DLGAP2: variants seen among roughly 807,000 people sequenced by gnomAD.
DLGAP2 encodes disks large-associated protein 2.
Under a neutral mutation model 100.3 loss-of-function variants are expected in DLGAP2, and 26 were observed. The observed-to-expected ratio is 0.26, with a 90% CI of 0.19 to 0.36. DLGAP2 has a LOEUF of 0.36. DLGAP2 is among the 10% of genes least tolerant of loss of function. The pLI is 1.00. For missense variants in DLGAP2, 1,858 were observed against 1,453.2 expected (o/e 1.28, Z -4.53); for synonymous variants, 886 against 630.1 (o/e 1.41, Z -6.08).
At chr8:1,048,252 C>T (rs1240862574) in intron 2 of DLGAP2, among the ~76,000 whole-genome samples, 1 of 152,150 alleles carries the variant, frequency 6.6e-6, no homozygotes, top group African/African-American at 2.4e-5. Flanking sequence ...ATTCCAGCCT[C>T]AGTCCTGTGA....
intron 2 of DLGAP2, among the ~76,000 whole-genome samples, chr8:1,246,392 C>T (rs569773783): frequency 2.0e-5 from 3 of 152,298 alleles, no homozygotes; most frequent in Admixed American, 6.5e-5. Flanking sequence ...GCTTGGCATC[C>T]TTCCCTCAAC....
chr8:1,698,263 G>A (rs1799454717), intron 14 of DLGAP2, among the ~76,000 whole-genome samples: 1 of 152,028 alleles, frequency 6.6e-6, no homozygotes, highest in Non-Finnish European at 1.5e-5. Flanking sequence ...GCGTGGGACA[G>A]GTCCACATAA....
intron 3 of DLGAP2, among the ~76,000 whole-genome samples, chr8:1,336,642 A>G (rs373872103): frequency 4.6e-5 from 7 of 152,290 alleles, no homozygotes; most frequent in South Asian, 2.1e-4. Flanking sequence ...CCTCCGATGC[A>G]TCTGGAACAG....
intron 2 of DLGAP2, among the ~76,000 whole-genome samples, chr8:957,935 A>T (rs923257296): frequency 9.2e-5 from 14 of 152,214 alleles, no homozygotes; most frequent in Non-Finnish European, 1.9e-4. Flanking sequence ...TGTCCAATTC[A>T]GTGACATACA....
At chr8:1,454,375 C>G (rs1326778522) in intron 3 of DLGAP2, among the ~76,000 whole-genome samples, 1 of 150,296 alleles carries the variant, frequency 6.7e-6, no homozygotes, top group Non-Finnish European at 1.5e-5. Flanking sequence ...TTTATCTTTT[C>G]TCTACACTGA....
At chr8:1,686,280 T>G (rs1341062183) in intron 12 of DLGAP2, among the ~76,000 whole-genome samples, 1 of 152,204 alleles carries the variant, frequency 6.6e-6, no homozygotes, top group Non-Finnish European at 1.5e-5. Flanking sequence ...GAATTAAGTC[T>G]TGTCATTTGG....
At chr8:1,366,411 C>A (rs141681517) in intron 3 of DLGAP2, among the ~76,000 whole-genome samples, 2,320 of 152,296 alleles carry the variant, frequency 0.015, 35 homozygotes, top group South Asian at 0.066. Context: ...GTGAGAGAAC[C>A]AAGCGCACTG....
chr8:1,362,840 T>C (rs780463709), intron 3 of DLGAP2, among the ~76,000 whole-genome samples: 2 of 152,156 alleles, frequency 1.3e-5, no homozygotes, highest in African/African-American at 4.8e-5. Flanking sequence ...CCTGGTGAAT[T>C]TTGTTGAACG....
At chr8:1,539,014 T>A (rs908393547) in intron 4 of DLGAP2, among the ~76,000 whole-genome samples, 1 of 151,564 alleles carries the variant, frequency 6.6e-6, no homozygotes, top group Non-Finnish European at 1.5e-5. Context: ...GCCTCCTGAG[T>A]AGCTGGGATT....
intron 2 of DLGAP2, among the ~76,000 whole-genome samples, chr8:1,071,848 G>A (rs1014173449): frequency 3.3e-5 from 5 of 152,194 alleles, no homozygotes; most frequent in Non-Finnish European, 7.3e-5. Context: ...CATTTAAAAA[G>A]TGACATGTCC....
intron 2 of DLGAP2, among the ~76,000 whole-genome samples, chr8:1,212,044 G>A (rs1291430784): frequency 3.3e-5 from 5 of 152,232 alleles, no homozygotes; most frequent in African/African-American, 9.6e-5. Flanking sequence ...AAAGCCTAGA[G>A]CAGAGTGGGC....
rs767102718 is a variant in DLGAP2 at position 1,697,302 on chromosome 8, A to G, written c.2949+3A>G. On this transcript the variant is annotated splice_donor_region_variant and intron_variant, in intron 14 of 14. Coordinates refer to ENST00000637795, the MANE Select transcript of DLGAP2 (RefSeq NM_001346810.2). ...TGATGGAGTCCCCGGAAAGAAAGGT[A>G]AGGGCATCCATGCAGGGCCGGCTCC... 1 of 1,599,878 alleles carries G rather than the reference A, an allele frequency of 6.3e-7. No individual in the cohort carries two copies. Among genetic ancestry groups the G allele is most frequent in the South Asian group, 1.1e-5 (1 of 89,470 alleles).
At chr8:1,165,530 G>A (rs751709190) in intron 2 of DLGAP2, among the ~76,000 whole-genome samples, 3 of 152,200 alleles carry the variant, frequency 2.0e-5, no homozygotes, top group Non-Finnish European at 2.9e-5. Flanking sequence ...TGATTTGCAT[G>A]GCATGTGTTG....
intron 3 of DLGAP2, among the ~76,000 whole-genome samples, chr8:1,304,500 A>C (rs1213686390): frequency 6.6e-6 from 1 of 152,256 alleles, no homozygotes; most frequent in African/African-American, 2.4e-5. Context: ...AGATGTAAGG[A>C]AAACGGCTTC....
chr8:1,640,472 C>T (rs547863137), intron 8 of DLGAP2, among the ~76,000 whole-genome samples: 1 of 152,296 alleles, frequency 6.6e-6, no homozygotes, highest in South Asian at 2.1e-4. Context: ...TCCGAGATGT[C>T]CCAGGGAATC....
intron 12 of DLGAP2, among the ~76,000 whole-genome samples, chr8:1,687,811 G>C (rs1799153475): frequency 1.3e-5 from 2 of 152,288 alleles, no homozygotes; most frequent in East Asian, 3.9e-4. Flanking sequence ...TACAGTTTGA[G>C]GAAGCATAGA....
intron 3 of DLGAP2, among the ~76,000 whole-genome samples, chr8:1,287,777 GTGTC>G (rs1303786946): frequency 0.011 from 495 of 47,140 alleles, 59 homozygotes; most frequent in East Asian, 0.081. Flanking sequence ...GTGTGTGTGT[GTGTC>G]TGTGTGTATG....
chr8:1,050,085 G>A (rs1276319347), intron 2 of DLGAP2, among the ~76,000 whole-genome samples: 1 of 152,252 alleles, frequency 6.6e-6, no homozygotes, highest in Non-Finnish European at 1.5e-5. Context: ...TGCACAGGCA[G>A]TCACACACAT....
intron 2 of DLGAP2, among the ~76,000 whole-genome samples, chr8:1,187,698 C>G (rs1797540121): frequency 6.8e-6 from 1 of 147,216 alleles, no homozygotes; most frequent in Non-Finnish European, 1.5e-5. Context: ...CGCCCAGGAC[C>G]TCTGTGACGT....
Sources: gnomAD v4.1 joint callset for allele counts (sites outside exome capture counted in the v4.1 genomes callset) on GRCh38, gnomAD v4.1.1 for gene constraint, MANE v1.5 for transcripts, NCBI Gene and HGNC (gene_info 2026-07-23, HGNC 2026-07-21) for gene names.